The following KCNT2 variants were observed in gnomAD, a reference collection of about 807,000 sequenced individuals.
KCNT2 encodes potassium channel subfamily T member 2.
A neutral mutation model predicts 153.8 loss-of-function variants in KCNT2; 67 were observed. The observed-to-expected ratio is 0.44, with a 90% CI of 0.36 to 0.53. The LOEUF is 0.53. Ranked by LOEUF, KCNT2 falls within the 20% of genes least tolerant of loss-of-function variation. The pLI, the probability that KCNT2 is intolerant of heterozygous loss-of-function variation, is 0.00. For synonymous variants in KCNT2, 500 were observed against 458.8 expected, an observed-to-expected ratio of 1.09 and a Z score of -1.15; for missense variants, 975 against 1,354.8, an observed-to-expected ratio of 0.72 and a Z score of 4.40.
At chr1:196,481,644 G>A (rs1162877155) in intron 4 of KCNT2, among the ~76,000 whole-genome samples, 1 of 152,112 alleles carries the variant, frequency 6.6e-6, no homozygotes, top group Admixed American at 6.5e-5. Flanking sequence ...GGATCTGTAG[G>A]AAGTAAACAG....
intron 19 of KCNT2, among the ~76,000 whole-genome samples, chr1:196,320,079 C>A (rs1290485826): frequency 1.3e-5 from 2 of 151,468 alleles, no homozygotes; most frequent in African/African-American, 2.4e-5. Flanking sequence ...TATGCTCATG[C>A]AAAATATGTA....
intron 26 of KCNT2, among the ~76,000 whole-genome samples, chr1:196,241,846 C>A (rs901622335): frequency 1.3e-5 from 2 of 152,046 alleles, no homozygotes; most frequent in African/African-American, 2.4e-5. Flanking sequence ...CACTACCCTA[C>A]TTGTGTTTAA....
In KCNT2 at chr1:196,550,625, G is replaced by A. The variant is rs1657766930; in HGVS notation, c.95+57590C>T. On this transcript the variant is annotated intron_variant, in intron 1 of 27. Transcript: ENST00000294725. ...TTTTTATTTTATCCATGTACAAATG[G>A]CTTAAAAATAAGCACAGGACCACTT... Among the ~76,000 whole-genome samples the A allele has an allele frequency of 5.3e-5, 8 of 151,808 alleles. No homozygotes were observed. In the South Asian group the frequency reaches 1.7e-3, roughly 32 times the overall value.
At chr1:196,379,089 A>C (rs918064537) in intron 13 of KCNT2, among the ~76,000 whole-genome samples, 19 of 152,078 alleles carry the variant, frequency 1.2e-4, no homozygotes, top group African/African-American at 4.6e-4. Flanking sequence ...TAAACTCTGG[A>C]TTACTTTTTG....
At chr1:196,463,283 T>C (rs144221784) in intron 8 of KCNT2, among the ~76,000 whole-genome samples, 280 of 151,966 alleles carry the variant, frequency 1.8e-3, no homozygotes, top group African/African-American at 6.1e-3. Flanking sequence ...ACATTGTTTA[T>C]ATGTTTCTTG....
At chr1:196,309,540 A>G (rs953634671) in intron 21 of KCNT2, among the ~76,000 whole-genome samples, 3 of 151,856 alleles carry the variant, frequency 2.0e-5, no homozygotes, top group African/African-American at 4.8e-5. Flanking sequence ...AACCTACAAC[A>G]TTTATGTTAT....
chr1:196,556,669 A>C lies in KCNT2; in HGVS notation c.95+51546T>G, dbSNP rs530562784. Reference sequence around the variant, plus strand: ...GAAAGGGAATCAGTATATTGGAGATATCTGCACTCTCTTGTTTGTTGCAGC... The same window carrying C: ...GAAAGGGAATCAGTATATTGGAGATCTCTGCACTCTCTTGTTTGTTGCAGC... On this transcript the variant is annotated intron_variant, in intron 1 of 27. Coordinates refer to ENST00000294725, the MANE Select transcript of KCNT2 (RefSeq NM_198503.5). Among the ~76,000 whole-genome samples the C allele has an allele frequency of 6.6e-5, 10 of 151,662 alleles. No individual in the cohort carries two copies. In the South Asian group the frequency reaches 1.0e-3, roughly 16 times the overall value.
chr1:196,399,763 G>T (rs894232566), intron 12 of KCNT2, among the ~76,000 whole-genome samples: 1 of 151,726 alleles, frequency 6.6e-6, no homozygotes, highest in South Asian at 2.1e-4. Context: ...CCTCTGGTAG[G>T]CCTCATCGTG....
intron 22 of KCNT2, among the ~76,000 whole-genome samples, chr1:196,297,223 ATTAT>A (rs1660755166): frequency 1.3e-5 from 2 of 152,058 alleles, no homozygotes; most frequent in Non-Finnish European, 2.9e-5. Context: ...TGTATTATAA[ATTAT>A]TTATTTTCAT....
chr1:196,413,184 G>T (rs1672478067), intron 12 of KCNT2, among the ~76,000 whole-genome samples: 1 of 151,462 alleles, frequency 6.6e-6, no homozygotes, highest in Non-Finnish European at 1.5e-5. Flanking sequence ...TGAATAGTAA[G>T]CTAAGCTGTT....
chr1:196,602,777 T>C (rs1196573107), intron 1 of KCNT2, among the ~76,000 whole-genome samples: 1 of 124,202 alleles, frequency 8.1e-6, no homozygotes, highest in South Asian at 2.9e-4. Flanking sequence ...TCTATTTTTT[T>C]TTTTTTTTTT....
Position 196,425,952 on chromosome 1 carries a change from C to T in KCNT2, c.1021G>A (p.Asp341Asn), listed in dbSNP as rs1673621004. The T allele has an allele frequency of 6.2e-7, 1 of 1,612,098 alleles. No homozygotes were observed. The change falls in exon 11 of 28, where the codon GAT (aspartate) becomes AAT (asparagine). Residue 341 changes from aspartate to asparagine, a missense_variant. Transcript: ENST00000294725. ...YVVILCPTEM[D>N]VQVRRVLQIP... is the part of the protein sequence containing the mutation. Reference sequence around the variant, plus strand: ...TGCAGTACCCTTCGAACCTGTACATCCATTTCAGTAGGACACAAAATCACC... The same window carrying T: ...TGCAGTACCCTTCGAACCTGTACATTCATTTCAGTAGGACACAAAATCACC...
chr1:196,412,079 T>C (rs1231345007), intron 12 of KCNT2, among the ~76,000 whole-genome samples: 1 of 151,808 alleles, frequency 6.6e-6, no homozygotes, highest in Non-Finnish European at 1.5e-5. Context: ...TGCTGATGTG[T>C]TCTATAAATA....
intron 1 of KCNT2, among the ~76,000 whole-genome samples, chr1:196,540,367 T>C (rs970218392): frequency 6.6e-6 from 1 of 152,188 alleles, no homozygotes; most frequent in Non-Finnish European, 1.5e-5. Flanking sequence ...GGACCATGTT[T>C]GGGGAAAAAA....
chr1:196,561,678 G>GAAAAAAAA (rs1659427672), intron 1 of KCNT2, among the ~76,000 whole-genome samples: 1 of 45,474 alleles, frequency 2.2e-5, no homozygotes, highest in Non-Finnish European at 5.4e-5. Context: ...AAAAAAAAAA[G>GAAAAAAAA]AAGAAGAAGA....
At chr1:196,471,587 A>G (rs928557858) in intron 5 of KCNT2, among the ~76,000 whole-genome samples, 9 of 152,124 alleles carry the variant, frequency 5.9e-5, no homozygotes, top group Non-Finnish European at 1.3e-4. Context: ...TGATCTGAGT[A>G]GCAAGAAAGG....
rs554157224 is a variant in KCNT2 at position 196,530,727 on chromosome 1, A to G, written c.96-38386T>C. On this transcript the variant is annotated intron_variant, in intron 1 of 27. Coordinates refer to ENST00000294725, the MANE Select transcript of KCNT2 (RefSeq NM_198503.5). The stretch of plus-strand genomic sequence containing the variant: ...TGTAATATAAATACAGTGCTAACAA[A>G]ATAAGAAACATCGTTTACACTTAAT... 1.6e-3 allele frequency among the ~76,000 whole-genome samples: 240 copies of G among 152,252 alleles called. 2 individuals carry two copies. Among genetic ancestry groups the G allele is most frequent in the Non-Finnish European group, 2.3e-3 (155 of 67,972 alleles).
At chr1:196,455,799 G>A (rs1479611252) in intron 8 of KCNT2, among the ~76,000 whole-genome samples, 3 of 151,936 alleles carry the variant, frequency 2.0e-5, no homozygotes, top group Admixed American at 6.6e-5. Context: ...TTGCTCCTGG[G>A]GGCCAGCAGT....
At chr1:196,416,842 T>C (rs1360402453) in intron 12 of KCNT2, among the ~76,000 whole-genome samples, 1 of 152,080 alleles carries the variant, frequency 6.6e-6, no homozygotes, top group Non-Finnish European at 1.5e-5. Flanking sequence ...AGTCACTCTG[T>C]TGTGCTATGA....
Sources: allele counts gnomAD v4.1 joint callset (sites outside exome capture counted in the v4.1 genomes callset), GRCh38; gene constraint gnomAD v4.1.1; transcripts MANE v1.5; gene names NCBI Gene and HGNC (gene_info 2026-07-23, HGNC 2026-07-21).